Variants in CNBD1 observed in about 807,000 individuals in gnomAD.
CNBD1 encodes cyclic nucleotide-binding domain-containing protein 1.
CNBD1 carries 71 observed loss-of-function variants against 54.4 expected under a neutral mutation model. The ratio of observed to expected loss-of-function variants is 1.30; its 90% CI spans 1.08 to 1.59. The LOEUF is 1.59. CNBD1 is among the 40% of genes most tolerant of loss of function. The pLI is 0.00. For synonymous variants in CNBD1, 182 were observed against 170.7 expected (o/e 1.07, Z -0.51); for missense variants, 659 against 518.0 (o/e 1.27, Z -2.64).
At chr8:87,156,912 C>T (rs907454679) in intron 4 of CNBD1, among the ~76,000 whole-genome samples, 3 of 151,996 alleles carry the variant, frequency 2.0e-5, no homozygotes, top group African/African-American at 7.2e-5. Flanking sequence ...GAGACATGGT[C>T]GATGACCTAG....
intron 4 of CNBD1, among the ~76,000 whole-genome samples, chr8:86,997,805 G>A (rs905182905): frequency 6.6e-6 from 1 of 151,998 alleles, no homozygotes; most frequent in Non-Finnish European, 1.5e-5. Flanking sequence ...GACCCAGCGG[G>A]TGGCTGTTCT....
intron 4 of CNBD1, among the ~76,000 whole-genome samples, chr8:87,052,308 C>T (rs1432072308): frequency 6.6e-6 from 1 of 152,132 alleles, no homozygotes; most frequent in African/African-American, 2.4e-5. Flanking sequence ...GATTAGTAAA[C>T]TTGTTTTTTA....
chr8:86,897,616 A>C (rs1250102158), intron 2 of CNBD1, among the ~76,000 whole-genome samples: 4 of 152,242 alleles, frequency 2.6e-5, no homozygotes, highest in African/African-American at 9.6e-5. Flanking sequence ...AACACAGCCA[A>C]TTCCAGAAAT....
chr8:87,283,811 A>G (rs986837267), intron 6 of CNBD1, among the ~76,000 whole-genome samples: 5 of 152,076 alleles, frequency 3.3e-5, no homozygotes, highest in Non-Finnish European at 7.4e-5. Context: ...TCCTACATGT[A>G]CAACAAGCCT....
intron 4 of CNBD1, among the ~76,000 whole-genome samples, chr8:86,955,997 T>A (rs1807757733): frequency 6.6e-6 from 1 of 152,214 alleles, no homozygotes; most frequent in Non-Finnish European, 1.5e-5. Context: ...CATCTTGAAT[T>A]AATTTTTGTA....
At chr8:86,944,111 G>T (rs1807405006) in intron 4 of CNBD1, among the ~76,000 whole-genome samples, 1 of 152,148 alleles carries the variant, frequency 6.6e-6, no homozygotes, top group Admixed American at 6.5e-5. Context: ...TGGCAAAGGG[G>T]CAGCATTTCA....
intron 4 of CNBD1, among the ~76,000 whole-genome samples, chr8:87,120,383 TG>T (rs1396104837): frequency 1.3e-5 from 2 of 152,090 alleles, no homozygotes; most frequent in African/African-American, 2.4e-5. Flanking sequence ...CAGTCTCTGA[TG>T]ATCTTTTGTA....
rs977559970 is a variant in CNBD1 at position 87,375,487 on chromosome 8, A to G, written c.1304-7133A>G. On this transcript the variant is annotated intron_variant, in intron 10 of 10. Transcript: ENST00000518476. ...TGTAGATAAAGTTATCAGTGACTTT[A>G]CTGAGAAAGTTTACAATAACCATCT... Among the ~76,000 whole-genome samples the G allele has an allele frequency of 6.6e-5, 10 of 151,870 alleles. No homozygotes were observed. The Admixed American group carries it at 6.6e-4, about 10-fold the overall frequency.
In CNBD1 at chr8:86,967,676, G is replaced by C. The variant is rs1808116770; in HGVS notation, c.431+27922G>C. 2.6e-5 allele frequency among the ~76,000 whole-genome samples: 4 copies of C among 151,978 alleles called. 1 individual carries two copies. The highest frequency in any genetic ancestry group is 9.7e-5 in the African/African-American group (4 of 41,332). On this transcript the variant is annotated intron_variant, in intron 4 of 10. Coordinates refer to ENST00000518476, the MANE Select transcript of CNBD1 (RefSeq NM_173538.3). ...TTATCACTTCTTATATTTTCCATCT[G>C]TTCTTGCATGTTGCCTACTCTTTTT...
chr8:86,941,109 C>T (rs1809648056), intron 4 of CNBD1, among the ~76,000 whole-genome samples: 1 of 152,092 alleles, frequency 6.6e-6, no homozygotes, highest in South Asian at 2.1e-4. Flanking sequence ...TCAGAGCTTC[C>T]AGAAAATTTG....
intron 5 of CNBD1, among the ~76,000 whole-genome samples, chr8:87,207,438 A>G (rs1223234615): frequency 6.6e-6 from 1 of 151,918 alleles, no homozygotes; most frequent in Non-Finnish European, 1.5e-5. Context: ...GAAAAAATCT[A>G]AATTTATGCA....
intron 4 of CNBD1, among the ~76,000 whole-genome samples, chr8:87,030,840 C>T (rs377172264): frequency 8.5e-6 from 1 of 117,240 alleles, no homozygotes; most frequent in Non-Finnish European, 1.7e-5. Context: ...CCTTCTCCCC[C>T]CTCCCCTCTC....
chr8:87,061,903 T>TCAGTA (rs1810555562), intron 4 of CNBD1, among the ~76,000 whole-genome samples: 1 of 152,204 alleles, frequency 6.6e-6, no homozygotes, highest in Non-Finnish European at 1.5e-5. Context: ...GTATGCCCTG[T>TCAGTA]CAGTACAGCT....
At chr8:87,328,637 A>G (rs10101400) in intron 8 of CNBD1, among the ~76,000 whole-genome samples, 57,849 of 151,868 alleles carry the variant, frequency 0.38, 11,299 homozygotes, top group Middle Eastern at 0.45. Context: ...CTGTTTATCT[A>G]TAAAATGCTA....
downstream of CNBD1, among the ~76,000 whole-genome samples, chr8:87,385,873 G>T (rs544054165): frequency 6.6e-6 from 1 of 152,224 alleles, no homozygotes; most frequent in African/African-American, 2.4e-5. Context: ...CACCCAGTAG[G>T]GTCAGACTGA....
chr8:87,313,365 A>G (rs929627287), intron 8 of CNBD1, among the ~76,000 whole-genome samples: 4 of 152,078 alleles, frequency 2.6e-5, no homozygotes, highest in African/African-American at 9.6e-5. Context: ...AATGAGAGTT[A>G]GTCAAGTATT....
At chr8:87,393,112 T>C (rs1419840917) in intron 2 of CNBD1, among the ~76,000 whole-genome samples, 1 of 151,612 alleles carries the variant, frequency 6.6e-6, no homozygotes, top group Non-Finnish European at 1.5e-5. Flanking sequence ...AGATTGAAAG[T>C]AGAGTAATTT....
At chr8:87,360,863 C>G (rs557536042) in intron 10 of CNBD1, among the ~76,000 whole-genome samples, 1 of 151,834 alleles carries the variant, frequency 6.6e-6, no homozygotes. Flanking sequence ...AAGACTATCT[C>G]TCATAATGCT....
At chr8:87,199,522 A>G (rs1027435600) in intron 4 of CNBD1, among the ~76,000 whole-genome samples, 1 of 152,128 alleles carries the variant, frequency 6.6e-6, no homozygotes, top group Non-Finnish European at 1.5e-5. Flanking sequence ...CTTTATTATT[A>G]TTTTTTTGTG....
Sources: allele counts gnomAD v4.1 joint callset (sites outside exome capture counted in the v4.1 genomes callset), GRCh38; gene constraint gnomAD v4.1.1; transcripts MANE v1.5; gene names NCBI Gene and HGNC (gene_info 2026-07-23, HGNC 2026-07-21).